The following SPRY3 variants were observed in gnomAD, a reference collection of about 807,000 sequenced individuals.
The protein encoded by SPRY3 is sprouty RTK signaling antagonist 3.
Under a neutral mutation model 20.2 loss-of-function variants are expected in SPRY3, and 15 were observed. That is an observed-to-expected ratio of 0.74 (90% CI 0.50 to 1.14). The LOEUF (loss-of-function observed/expected upper bound fraction) is 1.14. Ranked by LOEUF, SPRY3 falls within the 50% of genes most tolerant of loss-of-function variation. SPRY3 has a pLI of 0.00. For synonymous variants in SPRY3, 143 were observed against 136.5 expected, an observed-to-expected ratio of 1.05 and a Z score of -0.33; for missense variants, 364 against 363.9, an observed-to-expected ratio of 1.00 and a Z score of 0.00.
At chrX:155,717,932 A>G (rs2091033623) in intron 2 of SPRY3, among the ~76,000 whole-genome samples, 1 of 151,932 alleles carries the variant, frequency 6.6e-6, no homozygotes. Context: ...GTCCTGCCCT[A>G]TGCTCCAAGT....
intron 2 of SPRY3, among the ~76,000 whole-genome samples, chrX:155,746,264 G>C (rs1457556975): frequency 6.6e-6 from 1 of 151,804 alleles, no homozygotes; most frequent in Non-Finnish European, 1.5e-5. Flanking sequence ...TGAGACATTT[G>C]GTCAGAAATA....
At chrX:155,740,786 C>T (rs765904766) in intron 2 of SPRY3, among the ~76,000 whole-genome samples, 29 of 145,798 alleles carry the variant, frequency 2.0e-4, no homozygotes, top group African/African-American at 6.7e-4. Context: ...TCCTTTTTGC[C>T]CCTTGAATCA....
At chrX:155,650,158 C>A (rs2067972127) in intron 1 of SPRY3, among the ~76,000 whole-genome samples, 1 of 111,457 alleles carries the variant, frequency 9.0e-6, no homozygotes, top group Admixed American at 9.5e-5. Flanking sequence ...TAGGAAGAAT[C>A]AATATCGTGA....
At chrX:155,728,074 GT>G (rs2091110535) in intron 2 of SPRY3, among the ~76,000 whole-genome samples, 1 of 152,170 alleles carries the variant, frequency 6.6e-6, no homozygotes, top group Non-Finnish European at 1.5e-5. Context: ...GTCTGTTGGA[GT>G]TTGCTGGAGG....
intron 3 of SPRY3, among the ~76,000 whole-genome samples, chrX:155,773,307 G>GAGATAT (rs1556238553): frequency 1.7e-5 from 2 of 120,740 alleles, no homozygotes; most frequent in Non-Finnish European, 1.7e-5. Context: ...ATTTTGATTG[G>GAGATAT]ATATATATAT....
At chrX:155,776,023 A>G (rs1311476162) in exon 4 of SPRY3, 1 of 167,124 alleles carries the variant, frequency 6.0e-6, no homozygotes, top group Non-Finnish European at 1.5e-5. Context: ...AGACTGGAAT[A>G]TAGGCCTTCT....
chrX:155,767,724 G>GGAGGAGGAGGAGGAGAAAGAA, intron 2 of SPRY3: 1 of 99,308 alleles, frequency 1.0e-5, no homozygotes, highest in Admixed American at 9.9e-5. Context: ...AGGAGAAAGA[G>GGAGGAGGAGGAGGAGAAAGAA]GAGGAGGAGG....
chrX:155,634,892 T>G (rs1603115941), intron 1 of SPRY3, among the ~76,000 whole-genome samples: 2 of 107,624 alleles, frequency 1.9e-5, no homozygotes, highest in African/African-American at 6.7e-5. Flanking sequence ...ATATATAGTA[T>G]ATGTATAAAG....
intron 1 of SPRY3, among the ~76,000 whole-genome samples, chrX:155,619,360 T>G (rs1557349211): frequency 2.7e-5 from 3 of 110,732 alleles, no homozygotes; most frequent in African/African-American, 9.8e-5. Context: ...GGTCTGTTTC[T>G]GTTTTTTTGT....
intron 2 of SPRY3, among the ~76,000 whole-genome samples, chrX:155,665,622 A>G (rs1557354270): frequency 9.0e-6 from 1 of 111,544 alleles, no homozygotes; most frequent in East Asian, 2.8e-4. Context: ...TACAGTATGA[A>G]ACACTTGATC....
At chrX:155,767,929 G>A (rs868623955) in intron 2 of SPRY3, 33 bp from the exon 2 acceptor site, 1 of 152,912 alleles carries the variant, frequency 6.5e-6, no homozygotes, top group African/African-American at 2.4e-5. Context: ...GTTTTGTTTT[G>A]TTTTGTTTTG....
intron 2 of SPRY3, among the ~76,000 whole-genome samples, chrX:155,668,705 T>C (rs781903582): frequency 2.7e-5 from 3 of 110,692 alleles, no homozygotes; most frequent in South Asian, 3.8e-4. Flanking sequence ...GAACTTCCTC[T>C]CCTTGGGGCC....
exon 4 of SPRY3, chrX:155,775,592 C>T (rs700439): frequency 1 from 167,226 of 167,226 alleles, 83,613 homozygotes; most frequent in Non-Finnish European, 1. Flanking sequence ...CTCACCTGTT[C>T]GTGAGCGCAT....
chrX:155,755,228 C>A (rs1267131497), intron 2 of SPRY3, among the ~76,000 whole-genome samples: 2 of 149,902 alleles, frequency 1.3e-5, no homozygotes, highest in Non-Finnish European at 1.5e-5. Context: ...CCAGTTTAAT[C>A]TTTTACCCCA....
chrX:155,727,795 C>T (rs1862608739), intron 2 of SPRY3, among the ~76,000 whole-genome samples: 1 of 152,126 alleles, frequency 6.6e-6, no homozygotes. Flanking sequence ...CTGAAGCCTA[C>T]TTCTGTCAAC....
intron 2 of SPRY3, among the ~76,000 whole-genome samples, chrX:155,722,792 CAT>C (rs763522448): frequency 1.5e-4 from 23 of 148,518 alleles, no homozygotes; most frequent in Non-Finnish European, 1.6e-4. Flanking sequence ...AACACTTCAC[CAT>C]ATATATATAT....
intron 3 of SPRY3, among the ~76,000 whole-genome samples, chrX:155,773,322 A>ATG (rs1288450298): frequency 1.0e-4 from 15 of 145,600 alleles, no homozygotes; most frequent in Non-Finnish European, 2.1e-4. Flanking sequence ...ATATATATAT[A>ATG]TATATATATA....
chrX:155,753,873 A>G (rs979243481), intron 2 of SPRY3, among the ~76,000 whole-genome samples: 4 of 151,946 alleles, frequency 2.6e-5, no homozygotes, highest in African/African-American at 9.7e-5. Context: ...TCATGCACAT[A>G]TTGGCCATTT....
chrX:155,733,906 TTC>T (rs2091151106), intron 2 of SPRY3, among the ~76,000 whole-genome samples: 1 of 152,108 alleles, frequency 6.6e-6, no homozygotes, highest in African/African-American at 2.4e-5. Flanking sequence ...CAGACTTTTC[TTC>T]TGCAGCTTCC....
Sources: allele counts gnomAD v4.1 joint callset (sites outside exome capture counted in the v4.1 genomes callset), GRCh38; gene constraint gnomAD v4.1.1; transcripts MANE v1.5; gene names NCBI Gene and HGNC (gene_info 2026-07-23, HGNC 2026-07-21).